The following NIPA2 variants were observed in gnomAD, a reference collection of about 807,000 sequenced individuals.
NIPA2 encodes the protein NIPA magnesium transporter 2, also known as magnesium transporter NIPA2.
NIPA2 carries 11 observed loss-of-function variants against 29.7 expected under a neutral mutation model. The observed-to-expected ratio is 0.37, with a 90% CI of 0.23 to 0.61. The LOEUF is 0.61. Ranked by LOEUF, NIPA2 falls within the 20% of genes least tolerant of loss-of-function variation. NIPA2 has a pLI of 0.66. For missense variants in NIPA2, 426 were observed against 437.9 expected (o/e 0.97, Z 0.24); for synonymous variants, 183 against 161.9 (o/e 1.13, Z -0.99).
intron 5 of NIPA2, among the ~76,000 whole-genome samples, chr15:22,854,464 G>T (rs2058035427): frequency 6.6e-6 from 1 of 151,214 alleles, no homozygotes; most frequent in South Asian, 2.1e-4. Context: ...TTATTATTGG[G>T]CCGGGCGCGG....
At chr15:22,849,538 G>C (rs548351942) in intron 3 of NIPA2, among the ~76,000 whole-genome samples, 4 of 151,512 alleles carry the variant, frequency 2.6e-5, no homozygotes, top group East Asian at 3.9e-4. Context: ...TTTTTGACTT[G>C]AGTGTTTTCT....
intron 2 of NIPA2, among the ~76,000 whole-genome samples, chr15:22,840,944 C>G (rs1388092750): frequency 7.5e-6 from 1 of 133,030 alleles, no homozygotes; most frequent in Non-Finnish European, 1.5e-5. Context: ...TTCATTTAAA[C>G]TGATTTATTT....
Position 22,839,773 on chromosome 15 carries a change from A to T in NIPA2, c.-233A>T, listed in dbSNP as rs1223660293. ...TCCCAGCCTTTTTTTCATAAGAGAG[A>T]CCATATTAAACTTACATGTAAGTTA... On this transcript the variant is annotated 5_prime_UTR_variant, in exon 2 of 8. Coordinates refer to ENST00000337451, the MANE Select transcript of NIPA2 (RefSeq NM_030922.7). 2 of 152,286 alleles carry T rather than the reference A, an allele frequency of 1.3e-5. No individual in the cohort carries two copies. Among genetic ancestry groups the T allele is most frequent in the South Asian group, 2.1e-4 (1 of 4,822 alleles). The allele number at this position is 152,286 out of a possible 1,614,324, so 9.4% of individuals were successfully genotyped here.
Position 22,867,430 on chromosome 15 carries a change from A to G in NIPA2, c.*583A>G. On this transcript the variant is annotated 3_prime_UTR_variant, in exon 8 of 8. Coordinates refer to ENST00000337451, the MANE Select transcript of NIPA2 (RefSeq NM_030922.7). ...AAATCACCCCAAGGAACGATTTCTCAGGTTGAGATGATCACCGTGAATCCG... is the reference window on the plus strand; with the variant it reads ...AAATCACCCCAAGGAACGATTTCTCGGGTTGAGATGATCACCGTGAATCCG... 2.7e-6 allele frequency: 1 copy of G among 367,174 alleles called. No individual in the cohort carries two copies. 22.7% of individuals were successfully genotyped at this position (367,174 alleles called of 1,614,324 possible).
intron 7 of NIPA2, among the ~76,000 whole-genome samples, chr15:22,863,356 T>C (rs998215843): frequency 6.6e-6 from 1 of 152,022 alleles, no homozygotes; most frequent in African/African-American, 2.4e-5. Flanking sequence ...AGGGCTGGGA[T>C]TACAGGCATG....
chr15:22,860,387 ACTT>A (rs1282525175), intron 6 of NIPA2, among the ~76,000 whole-genome samples: 10 of 152,328 alleles, frequency 6.6e-5, no homozygotes, highest in African/African-American at 2.4e-4. Flanking sequence ...TTTCATACTG[ACTT>A]CTTGCAGTGG....
At chr15:22,845,471 G>A (rs753196598) in intron 3 of NIPA2, among the ~76,000 whole-genome samples, 2 of 152,116 alleles carry the variant, frequency 1.3e-5, no homozygotes, top group African/African-American at 2.4e-5. Flanking sequence ...ATTTGCTACC[G>A]TAAATGAGTG....
intron 2 of NIPA2, among the ~76,000 whole-genome samples, chr15:22,840,232 G>A (rs1433731257): frequency 1.3e-5 from 2 of 150,722 alleles, no homozygotes; most frequent in African/African-American, 4.9e-5. Flanking sequence ...AGCTAACTTA[G>A]ATAGCAGTGG....
chr15:22,858,651 T>C (rs1166784144), intron 6 of NIPA2, 21 bp downstream of exon 6: 16 of 1,409,970 alleles, frequency 1.1e-5, no homozygotes, highest in Admixed American at 4.2e-5. Flanking sequence ...GTTTTTCATG[T>C]AGAAACAGTA....
intron 2 of NIPA2, among the ~76,000 whole-genome samples, chr15:22,840,094 T>A (rs1191179815): frequency 3.3e-5 from 5 of 151,926 alleles, no homozygotes; most frequent in Non-Finnish European, 1.5e-5. Context: ...CTAATTTTTG[T>A]ATTTTTTTTA....
intron 5 of NIPA2, among the ~76,000 whole-genome samples, chr15:22,856,120 G>C (rs1213209151): frequency 6.6e-6 from 1 of 152,100 alleles, no homozygotes; most frequent in Non-Finnish European, 1.5e-5. Context: ...AGCTCCCCAG[G>C]CTCTCACTGT....
At chr15:22,852,210 T>TAATC (rs1307827668) in intron 4 of NIPA2, among the ~76,000 whole-genome samples, 2 of 152,160 alleles carry the variant, frequency 1.3e-5, no homozygotes, top group Admixed American at 6.6e-5. Flanking sequence ...CTCATGCCTG[T>TAATC]AATCCCAGCA....
chr15:22,846,471 T>G lies in NIPA2; in HGVS notation c.-94+1204T>G, dbSNP rs113042522. On this transcript the variant is annotated intron_variant, in intron 3 of 7. Coordinates refer to ENST00000337451, the MANE Select transcript of NIPA2 (RefSeq NM_030922.7). ...AGTTAACATTAAGTGTTAGTAAATA[T>G]TAGTAAATTAAGTAGTTACAAATCA... 7.2e-3 allele frequency among the ~76,000 whole-genome samples: 1,100 copies of G among 152,234 alleles called. 15 individuals are homozygous for G. Among genetic ancestry groups the G allele is most frequent in the African/African-American group, 0.024 (1,000 of 41,514 alleles).
intron 3 of NIPA2, among the ~76,000 whole-genome samples, chr15:22,848,089 C>G (rs563841668): frequency 6.6e-6 from 1 of 152,120 alleles, no homozygotes; most frequent in Non-Finnish European, 1.5e-5. Context: ...TGAGCCACCA[C>G]GCCTGGTCGA....
At chr15:22,853,372 ATCTTT>A (rs2057917586) in intron 5 of NIPA2, 104 bp downstream of exon 5, 1 of 635,574 alleles carries the variant, frequency 1.6e-6, no homozygotes, top group South Asian at 2.4e-5. Flanking sequence ...GGTTTAAATA[ATCTTT>A]TTTTTTTTTT....
At chr15:22,845,319 A>G (rs971096093) in intron 3 of NIPA2, 52 bp downstream of exon 3, 3 of 152,134 alleles carry the variant, frequency 2.0e-5, no homozygotes, top group Non-Finnish European at 4.4e-5. Context: ...GCTGCTTTAT[A>G]ATTTGAAGGC....
At chr15:22,842,896 G>T (rs371884634) in intron 2 of NIPA2, among the ~76,000 whole-genome samples, 20 of 149,188 alleles carry the variant, frequency 1.3e-4, no homozygotes, top group Non-Finnish European at 1.5e-5. Context: ...CCAGCTACTC[G>T]GGAGGCAGAG....
intron 4 of NIPA2, 70 bp from the exon 5 acceptor site, chr15:22,853,142 T>C: frequency 9.8e-7 from 1 of 1,022,674 alleles, no homozygotes; most frequent in Non-Finnish European, 1.5e-6. Context: ...AATCTGTCAT[T>C]ACTAATAGTT....
At position 22,851,711 on chromosome 15, in the gene NIPA2, A is replaced by G; in HGVS notation, c.-21A>G. On this transcript the variant is annotated 5_prime_UTR_variant, in exon 4 of 8. Coordinates refer to ENST00000337451, the MANE Select transcript of NIPA2 (RefSeq NM_030922.7). ...TCTGTGATCAATGTGATTCACAGGA[A>G]CTCCTTAAGTAACAAACGAAATGAG... 1 of 1,597,116 alleles carries G rather than the reference A, an allele frequency of 6.3e-7. No individual in the cohort carries two copies. The highest frequency in any genetic ancestry group is 8.5e-7 in the Non-Finnish European group (1 of 1,173,862).
Sources: gnomAD v4.1 joint callset for allele counts (sites outside exome capture counted in the v4.1 genomes callset) on GRCh38, gnomAD v4.1.1 for gene constraint, MANE v1.5 for transcripts, NCBI Gene and HGNC (gene_info 2026-07-23, HGNC 2026-07-21) for gene names.